The following WAPL variants were observed in gnomAD, a reference collection of about 807,000 sequenced individuals.
The protein encoded by WAPL is WAPL cohesin release factor.
In WAPL, 5 loss-of-function variants were observed where a neutral mutation model predicts 121.0. That is an observed-to-expected ratio of 0.04 (90% CI 0.02 to 0.09). The LOEUF is 0.09. Ranked by LOEUF, WAPL falls within the 10% of genes least tolerant of loss-of-function variation. WAPL has a pLI of 1.00. For missense variants in WAPL, 999 were observed against 1,410.8 expected, an observed-to-expected ratio of 0.71 and a Z score of 4.68; for synonymous variants, 480 against 481.5, an observed-to-expected ratio of 1.00 and a Z score of 0.04.
intron 2 of WAPL, among the ~76,000 whole-genome samples, chr10:86,504,863 A>C (rs1842314207): frequency 6.6e-6 from 1 of 152,176 alleles, no homozygotes. Context: ...AATTGATGCC[A>C]AAGAACTTTT....
intron 15 of WAPL, 127 bp downstream of exon 15, chr10:86,451,840 G>A (rs958158259): frequency 5.9e-5 from 60 of 1,024,090 alleles, no homozygotes; most frequent in Admixed American, 1.0e-4. Context: ...TAAAAAGGCC[G>A]GGGGAGGGGC....
chr10:86,517,868 TTTC>T lies in WAPL; in HGVS notation c.199_201del (p.Glu67del). Reference sequence around the variant, plus strand: ...TCAAATCCAAAAGGATCTCCAGTACTTTCTTCTTCCACTTTAGGTTTCTTCGGA... The same window carrying T: ...TCAAATCCAAAAGGATCTCCAGTACTTTCTTCCACTTTAGGTTTCTTCGGA... On this transcript the variant is annotated inframe_deletion, in exon 2 of 19. Coordinates refer to ENST00000298767, the MANE Select transcript of WAPL (RefSeq NM_015045.5). 3 of 1,614,176 alleles carry T rather than the reference TTTC, an allele frequency of 1.9e-6. No homozygotes were observed. The highest frequency in any genetic ancestry group is 2.5e-6 in the Non-Finnish European group (3 of 1,180,008).
Position 86,497,237 on chromosome 10 carries a change from C to T in WAPL, c.1608G>A (p.Lys536=). The T allele has an allele frequency of 6.2e-7, 1 of 1,612,988 alleles. No individual in the cohort carries two copies. Among genetic ancestry groups the T allele is most frequent in the Non-Finnish European group, 8.5e-7 (1 of 1,179,728 alleles). ...KPINKQGDKS[K]ENTRKIFSGP... is the part of the protein sequence containing the mutation. Reference sequence around the variant, plus strand: ...CACTAAAAATCTTTCTGGTATTTTCCTTTGATTTATCTCCTTGTTTATTTA... The same window carrying T: ...CACTAAAAATCTTTCTGGTATTTTCTTTTGATTTATCTCCTTGTTTATTTA... Residue 536 remains lysine, a synonymous_variant, in exon 4 of 19, where the codon AAG becomes AAA. Transcript: ENST00000298767.
rs375799948 is a variant in WAPL at position 86,488,728 on chromosome 10, G to A, written c.1644+8473C>T. On this transcript the variant is annotated intron_variant, in intron 4 of 18. Transcript: ENST00000298767. ...CATGTTCATACTGTAATAACTAAAT[G>A]AATACATATAAAAATACATGCATAT... 5.0e-4 allele frequency among the ~76,000 whole-genome samples: 76 copies of A among 152,220 alleles called. No homozygotes were observed. The East Asian group carries it at 0.01, about 21-fold the overall frequency.
rs11323475 is a variant in WAPL at position 86,510,068 on chromosome 10, C to CTTTTT, written c.499+7498_499+7502dup. ...ACAGGCATCAGCCACTCCACCCGGC[C>CTTTTT]TTTTTTTTTTTTTTTTTTTTTTTTG... On this transcript the variant is annotated intron_variant, in intron 2 of 18. Coordinates refer to ENST00000298767, the MANE Select transcript of WAPL (RefSeq NM_015045.5). Among the ~76,000 whole-genome samples the CTTTTT allele has an allele frequency of 4.2e-3, 239 of 57,242 alleles. 15 individuals are homozygous for CTTTTT. Among genetic ancestry groups the CTTTTT allele is most frequent in the African/African-American group, 0.018 (220 of 11,932 alleles). The allele number at this position is 57,242 out of a possible 152,430, so 37.6% of individuals were successfully genotyped here.
At chr10:86,514,778 T>TA (rs1178502329) in intron 2 of WAPL, among the ~76,000 whole-genome samples, 1 of 152,224 alleles carries the variant, frequency 6.6e-6, no homozygotes, top group African/African-American at 2.4e-5. Context: ...TTTTCCCCCT[T>TA]ACCTAAACGT....
Position 86,521,746 on chromosome 10 carries a change from G to A in WAPL, c.-404C>T. ...CCTGAACCATCTCAACGCCATTTGC[G>A]CTCCCGGCCCCCACCTCCTTCCTCC... On this transcript the variant is annotated 5_prime_UTR_variant, in exon 1 of 19. Transcript: ENST00000298767. 4.5e-6 allele frequency: 2 copies of A among 445,680 alleles called. No individual in the cohort carries two copies. The highest frequency in any genetic ancestry group is 4.6e-6 in the Non-Finnish European group (1 of 216,326). The allele number at this position is 445,680 out of a possible 1,614,324, so 27.6% of individuals were successfully genotyped here.
At chr10:86,507,525 C>T (rs1842375158) in intron 2 of WAPL, among the ~76,000 whole-genome samples, 2 of 152,018 alleles carry the variant, frequency 1.3e-5, no homozygotes. Context: ...ATAATCTACT[C>T]CTCCATCCCA....
rs1842663032 is a variant in WAPL at position 86,520,925 on chromosome 10, CCGGGGCGCCA to C, written c.-23+430_-23+439del. Among the ~76,000 whole-genome samples the C allele has an allele frequency of 5.3e-5, 8 of 152,274 alleles. No homozygotes were observed. The South Asian group carries it at 1.7e-3, about 32-fold the overall frequency. On this transcript the variant is annotated intron_variant, in intron 1 of 18. Coordinates refer to ENST00000298767, the MANE Select transcript of WAPL (RefSeq NM_015045.5). ...ACCAGAAATCCTCACCTGGGGACAG[CCGGGGCGCCA>C]CGGGCAGTGGGCGCGATGGACCCCT...
chr10:86,453,553 C>G (rs984799716), intron 13 of WAPL, 103 bp downstream of exon 13: 1 of 1,369,814 alleles, frequency 7.3e-7, no homozygotes, highest in Non-Finnish European at 9.9e-7. Flanking sequence ...TACATTATGA[C>G]AAATAAAAAA....
At chr10:86,468,094 TGA>T (rs144656815) in intron 8 of WAPL, among the ~76,000 whole-genome samples, 295 of 152,326 alleles carry the variant, frequency 1.9e-3, no homozygotes, top group African/African-American at 6.7e-3. Context: ...GAATATATGC[TGA>T]GTTACATATT....
intron 18 of WAPL, 114 bp from the exon 19 acceptor site, chr10:86,437,722 A>T: frequency 1.7e-6 from 2 of 1,166,404 alleles, no homozygotes; most frequent in Non-Finnish European, 2.4e-6. Flanking sequence ...AAATCAAAGT[A>T]CACCGAGATT....
chr10:86,515,903 T>C (rs1346468087), intron 2 of WAPL, among the ~76,000 whole-genome samples: 5 of 146,820 alleles, frequency 3.4e-5, no homozygotes, highest in Non-Finnish European at 7.5e-5. Context: ...TCTTGCTTTG[T>C]TGCCCAGGCT....
chr10:86,465,072 T>C (rs902538400), intron 9 of WAPL, among the ~76,000 whole-genome samples: 2 of 152,218 alleles, frequency 1.3e-5, no homozygotes, highest in Non-Finnish European at 2.9e-5. Flanking sequence ...AAATAGAGAA[T>C]AGAGCAAGAG....
At chr10:86,520,710 C>T (rs556034464) in intron 1 of WAPL, among the ~76,000 whole-genome samples, 4 of 139,942 alleles carry the variant, frequency 2.9e-5, no homozygotes, top group Admixed American at 2.2e-4. Flanking sequence ...TTCGGTCGTT[C>T]GGCTTTTGCC....
At chr10:86,508,831 T>G (rs1295762109) in intron 2 of WAPL, among the ~76,000 whole-genome samples, 2 of 142,526 alleles carry the variant, frequency 1.4e-5, no homozygotes, top group African/African-American at 2.6e-5. Context: ...CTCGGCTCAC[T>G]GCAAGCTCCG....
In WAPL at chr10:86,453,259, C is replaced by T. The variant is rs1183426398; in HGVS notation, c.2910G>A (p.Lys970=). The T allele has an allele frequency of 1.2e-6, 2 of 1,614,070 alleles. No individual in the cohort carries two copies. Among genetic ancestry groups the T allele is most frequent in the Non-Finnish European group, 8.5e-7 (1 of 1,180,014 alleles). The change falls in exon 14 of 19, where the codon AAG becomes AAA. Residue 970 remains lysine (K), a synonymous_variant. Coordinates refer to ENST00000298767, the MANE Select transcript of WAPL (RefSeq NM_015045.5). ...TALNCVLQVP[K]YLPQEQRFDI... Reference sequence around the variant, plus strand: ...CAAATCTCTGCTCCTGAGGTAGGTACTTTGGAACCTGAAGCACACAGTTCA... The same window carrying T: ...CAAATCTCTGCTCCTGAGGTAGGTATTTTGGAACCTGAAGCACACAGTTCA...
At chr10:86,486,658 T>C (rs979449093) in intron 4 of WAPL, among the ~76,000 whole-genome samples, 16 of 152,122 alleles carry the variant, frequency 1.1e-4, no homozygotes, top group Admixed American at 2.0e-4. Flanking sequence ...AGGGGAATGA[T>C]GAAAGTAAAG....
rs193227602 is a variant in WAPL, at chr10:86,476,193, G to A, written c.1645-2220C>T. On this transcript the variant is annotated intron_variant, in intron 4 of 18. Coordinates refer to ENST00000298767, the MANE Select transcript of WAPL (RefSeq NM_015045.5). The stretch of plus-strand genomic sequence containing the variant: ...ATCCTGGTTAACACGGTGAAACCCC[G>A]TCTCTACTAAAAATACAAAAAATTA... 8.3e-4 allele frequency among the ~76,000 whole-genome samples: 125 copies of A among 151,452 alleles called. 2 individuals carry two copies. Among genetic ancestry groups the A allele is most frequent in the African/African-American group, 2.7e-3 (111 of 41,244 alleles).
Sources: allele counts gnomAD v4.1 joint callset (sites outside exome capture counted in the v4.1 genomes callset), GRCh38; gene constraint gnomAD v4.1.1; transcripts MANE v1.5; gene names NCBI Gene and HGNC (gene_info 2026-07-23, HGNC 2026-07-21).